MVB12B: variants seen among roughly 807,000 people sequenced by gnomAD.
MVB12B encodes ESCRT-I complex subunit MVB12B.
A neutral mutation model predicts 41.6 loss-of-function variants in MVB12B; 16 were observed. The observed-to-expected ratio is 0.38, with a 90% confidence interval of 0.26 to 0.58. MVB12B has a LOEUF of 0.58. Ranked by LOEUF, MVB12B falls within the 20% of genes least tolerant of loss-of-function variation. MVB12B has a pLI of 0.62. For synonymous variants in MVB12B, 133 were observed against 139.7 expected (o/e 0.95, Z 0.34); for missense variants, 274 against 380.2 (o/e 0.72, Z 2.32).
At chr9:126,347,739 A>G (rs1829638121) in intron 2 of MVB12B, among the ~76,000 whole-genome samples, 1 of 152,210 alleles carries the variant, frequency 6.6e-6, no homozygotes, top group Non-Finnish European at 1.5e-5. Context: ...TTTAAAAATC[A>G]CGTTATGAAA....
At chr9:126,475,943 T>TG (rs1833410397) in intron 7 of MVB12B, among the ~76,000 whole-genome samples, 1 of 147,260 alleles carries the variant, frequency 6.8e-6, no homozygotes, top group African/African-American at 2.5e-5. Flanking sequence ...TCTCAGACGG[T>TG]GGTGGTCTGT....
chr9:126,422,130 A>G (rs1292338110), intron 7 of MVB12B, among the ~76,000 whole-genome samples, 182 bp downstream of exon 7: 1 of 152,096 alleles, frequency 6.6e-6, no homozygotes, highest in African/African-American at 2.4e-5. Flanking sequence ...CAGCACTTAG[A>G]GAAGGGCCAA....
chr9:126,456,561 C>T (rs1047012821), intron 7 of MVB12B, among the ~76,000 whole-genome samples: 5 of 152,236 alleles, frequency 3.3e-5, no homozygotes, highest in Non-Finnish European at 7.3e-5. Context: ...CTGGGGTTCT[C>T]ATCCTGCCCC....
chr9:126,330,033 C>T (rs1829085417), intron 1 of MVB12B, among the ~76,000 whole-genome samples: 1 of 151,910 alleles, frequency 6.6e-6, no homozygotes, highest in African/African-American at 2.4e-5. Context: ...AGTCAGGTCT[C>T]CTGTCTCCGG....
At chr9:126,374,837 A>G (rs1010753867) in intron 2 of MVB12B, among the ~76,000 whole-genome samples, 1 of 152,254 alleles carries the variant, frequency 6.6e-6, no homozygotes, top group Non-Finnish European at 1.5e-5. Flanking sequence ...ATAACGAATT[A>G]TCATACTATC....
At chr9:126,399,073 G>A (rs983739853) in intron 6 of MVB12B, among the ~76,000 whole-genome samples, 2 of 151,792 alleles carry the variant, frequency 1.3e-5, no homozygotes, top group Non-Finnish European at 3.0e-5. Flanking sequence ...AAAATGCTGT[G>A]GTGTCACCGG....
intron 7 of MVB12B, among the ~76,000 whole-genome samples, chr9:126,465,209 A>G (rs551750980): frequency 3.5e-4 from 54 of 152,304 alleles, no homozygotes; most frequent in African/African-American, 1.2e-3. Flanking sequence ...AAAATTACCA[A>G]TACATATTTA....
chr9:126,467,979 T>C (rs1833232256), intron 7 of MVB12B, among the ~76,000 whole-genome samples: 1 of 152,192 alleles, frequency 6.6e-6, no homozygotes, highest in Non-Finnish European at 1.5e-5. Flanking sequence ...TAGAGAGAAA[T>C]ATATGTACAC....
chr9:126,410,142 TG>T (rs1304005729), intron 6 of MVB12B, among the ~76,000 whole-genome samples: 226 of 4,154 alleles, frequency 0.054, no homozygotes, highest in Admixed American at 0.16. Flanking sequence ...GATTTGGTTT[TG>T]TGTGTGTGTG....
In MVB12B at chr9:126,484,135, GT is replaced by G. The variant is rs1444434758; in HGVS notation, c.873+104del. On this transcript the variant is annotated intron_variant, in intron 9 of 9. Transcript: ENST00000361171. ...GGGATCCACTCCAAGAGAGGGACAG[GT>G]GGAGGTGTTCCGTTCTCTTCTGAGA... 6.5e-6 allele frequency: 7 copies of G among 1,071,816 alleles called. No individual in the cohort carries two copies. In the East Asian group the frequency reaches 1.7e-4, roughly 25 times the overall value. 66.4% of individuals were successfully genotyped at this position (1,071,816 alleles called of 1,614,324 possible).
intron 7 of MVB12B, among the ~76,000 whole-genome samples, chr9:126,427,838 A>G (rs1832223727): frequency 6.6e-6 from 1 of 152,164 alleles, no homozygotes. Flanking sequence ...ATCCATCAGC[A>G]TTAGGCTGAC....
At chr9:126,415,475 C>T (rs1382249015) in intron 6 of MVB12B, among the ~76,000 whole-genome samples, 2 of 152,136 alleles carry the variant, frequency 1.3e-5, no homozygotes, top group African/African-American at 2.4e-5. Context: ...TTTGATTGTT[C>T]ATCTGATTCT....
At chr9:126,451,899 A>C (rs1832895482) in intron 7 of MVB12B, among the ~76,000 whole-genome samples, 1 of 152,140 alleles carries the variant, frequency 6.6e-6, no homozygotes, top group Non-Finnish European at 1.5e-5. Context: ...CTGTTTGCCG[A>C]GTCTCTGTGT....
intron 2 of MVB12B, among the ~76,000 whole-genome samples, chr9:126,357,504 C>T (rs991921274): frequency 6.6e-5 from 10 of 152,142 alleles, no homozygotes; most frequent in African/African-American, 2.4e-4. Flanking sequence ...ACATCCTTGC[C>T]AACACTTGAG....
At chr9:126,418,551 C>T (rs1831895124) in intron 6 of MVB12B, among the ~76,000 whole-genome samples, 1 of 152,182 alleles carries the variant, frequency 6.6e-6, no homozygotes, top group Non-Finnish European at 1.5e-5. Context: ...TATTTCCTCA[C>T]TCTCCCACAG....
At chr9:126,371,385 G>A (rs1222575549) in intron 2 of MVB12B, among the ~76,000 whole-genome samples, 3 of 152,256 alleles carry the variant, frequency 2.0e-5, no homozygotes, top group Non-Finnish European at 4.4e-5. Context: ...CCCATTTCCT[G>A]TCTCGTGGGC....
In MVB12B at chr9:126,493,999, C is replaced by T. The variant is rs190779037; in HGVS notation, c.874-9178C>T. ...ACACCTCGGCAGGGACTTGCAGGTC[C>T]CCAGGCCTCCTTATGTCATCCGTAT... is the stretch of plus-strand genomic sequence containing the variant. On this transcript the variant is annotated intron_variant, in intron 9 of 9. Coordinates refer to ENST00000361171, the MANE Select transcript of MVB12B (RefSeq NM_033446.3). Among the ~76,000 whole-genome samples, 33 of 152,264 alleles carry T rather than the reference C, an allele frequency of 2.2e-4. No homozygotes were observed. The South Asian group carries it at 6.0e-3, about 28-fold the overall frequency.
rs989633330 is a variant in MVB12B at position 126,380,452 on chromosome 9, G to A, written c.205-612G>A. Among the ~76,000 whole-genome samples, 4 of 152,206 alleles carry A rather than the reference G, an allele frequency of 2.6e-5. 1 individual carries two copies. Among genetic ancestry groups the A allele is most frequent in the Non-Finnish European group, 5.9e-5 (4 of 68,032 alleles). Reference sequence around the variant, plus strand: ...AGAAAATGGCTTCTTAGTGAGACTAGAAACAAGGAACCGAGTGAGTCTTCT... The same window carrying A: ...AGAAAATGGCTTCTTAGTGAGACTAAAAACAAGGAACCGAGTGAGTCTTCT... On this transcript the variant is annotated intron_variant, in intron 2 of 9. Coordinates refer to ENST00000361171, the MANE Select transcript of MVB12B (RefSeq NM_033446.3).
At chr9:126,413,715 C>T (rs1000925642) in intron 6 of MVB12B, among the ~76,000 whole-genome samples, 9 of 152,216 alleles carry the variant, frequency 5.9e-5, no homozygotes, top group Admixed American at 4.6e-4. Context: ...CGTCGTCTTC[C>T]AGCATTTAGT....
Sources: allele counts gnomAD v4.1 joint callset (sites outside exome capture counted in the v4.1 genomes callset), GRCh38; gene constraint gnomAD v4.1.1; transcripts MANE v1.5; gene names NCBI Gene and HGNC (gene_info 2026-07-23, HGNC 2026-07-21).